Variants in UST observed in about 807,000 individuals in gnomAD.
UST encodes uronyl 2-sulfotransferase.
Under a neutral mutation model 45.6 loss-of-function variants are expected in UST, and 21 were observed. That is an observed-to-expected ratio of 0.46 (90% CI 0.33 to 0.66). UST has a LOEUF of 0.66. Ranked by LOEUF, UST falls within the 30% of genes least tolerant of loss-of-function variation. The pLI is 0.02. For missense variants in UST, 463 were observed against 512.4 expected (o/e 0.90, Z 0.93); for synonymous variants, 215 against 200.6 (o/e 1.07, Z -0.61).
At position 148,984,704 on chromosome 6, in the gene UST, C is replaced by G. The variant is rs117306730; in HGVS notation, c.681+20141C>G. Among the ~76,000 whole-genome samples the G allele has an allele frequency of 5.1e-4, 77 of 152,238 alleles. 2 individuals are homozygous for G. In the East Asian group the frequency reaches 0.011, roughly 22 times the overall value. ...TGTGCACTACCCTAGCGAATGGGGC[C>G]TTGCTGTGTTTCCCAGGCTGGTCCT... On this transcript the variant is annotated intron_variant, in intron 5 of 7. Transcript: ENST00000367463.
At chr6:148,813,019 C>A (rs1777288000) in intron 1 of UST, among the ~76,000 whole-genome samples, 1 of 152,066 alleles carries the variant, frequency 6.6e-6, no homozygotes, top group South Asian at 2.1e-4. Context: ...TTAATAGTGC[C>A]CCTTTTTCAT....
chr6:148,966,216 T>C (rs1405288254), intron 5 of UST, among the ~76,000 whole-genome samples: 1 of 147,766 alleles, frequency 6.8e-6, no homozygotes, highest in Non-Finnish European at 1.5e-5. Context: ...AGACCGAGAC[T>C]CCATCTCAAA....
At chr6:148,994,557 A>C (rs1313077606) in intron 5 of UST, among the ~76,000 whole-genome samples, 1 of 152,180 alleles carries the variant, frequency 6.6e-6, no homozygotes, top group Non-Finnish European at 1.5e-5. Context: ...TAAGGAGGTC[A>C]GTTGGTCACT....
At chr6:149,050,050 A>C (rs1430689529) in intron 7 of UST, among the ~76,000 whole-genome samples, 2 of 152,132 alleles carry the variant, frequency 1.3e-5, no homozygotes, top group Admixed American at 1.3e-4. Context: ...TTCTGTACTT[A>C]ACTCTTTAAT....
In UST at chr6:149,074,345, C is replaced by T; in HGVS notation, c.*229C>T. ...GGTCTTTCCCGGGTACACTAGATGG[C>T]TCCATCCCAAGGCATCTTGTCATAA... On this transcript the variant is annotated 3_prime_UTR_variant, in exon 8 of 8. Coordinates refer to ENST00000367463, the MANE Select transcript of UST (RefSeq NM_005715.3). 1 of 546,790 alleles carries T rather than the reference C, an allele frequency of 1.8e-6. No individual in the cohort carries two copies. Among genetic ancestry groups the T allele is most frequent in the Admixed American group, 3.2e-5 (1 of 31,312 alleles). The allele number at this position is 546,790 out of a possible 1,614,324, so 33.9% of individuals were successfully genotyped here. A position where few individuals can be genotyped will look rare whatever the true frequency, so the allele number is the denominator to read the frequency against.
In UST at chr6:148,789,842, C is replaced by A. The variant is rs536736929; in HGVS notation, c.247+42165C>A. Among the ~76,000 whole-genome samples the A allele has an allele frequency of 1.4e-3, 215 of 152,200 alleles. 2 individuals carry two copies. The highest frequency in any genetic ancestry group is 4.8e-3 in the African/African-American group (198 of 41,546). ...CGAACTCCTGACCTCAAAAGATCCACCCGTCTCAGTTTCCCAAATTGCTGG... is the reference window on the plus strand; with the variant it reads ...CGAACTCCTGACCTCAAAAGATCCAACCGTCTCAGTTTCCCAAATTGCTGG... On this transcript the variant is annotated intron_variant, in intron 1 of 7. Coordinates refer to ENST00000367463, the MANE Select transcript of UST (RefSeq NM_005715.3).
chr6:148,989,915 G>C (rs1781315374), intron 5 of UST, among the ~76,000 whole-genome samples: 2 of 152,064 alleles, frequency 1.3e-5, no homozygotes, highest in Non-Finnish European at 1.5e-5. Flanking sequence ...CTCCCCATTT[G>C]GAATTTAGAT....
intron 3 of UST, among the ~76,000 whole-genome samples, chr6:148,942,925 A>G (rs188097533): frequency 6.6e-6 from 1 of 152,334 alleles, no homozygotes; most frequent in East Asian, 1.9e-4. Flanking sequence ...AAATATTTTA[A>G]GGTTATACCT....
intron 1 of UST, among the ~76,000 whole-genome samples, chr6:148,859,171 A>C (rs1778260043): frequency 6.6e-6 from 1 of 151,956 alleles, no homozygotes. Context: ...TTGTTTCCTG[A>C]CTTTTTACCA....
At chr6:148,854,418 T>C (rs953128777) in intron 1 of UST, among the ~76,000 whole-genome samples, 2 of 152,264 alleles carry the variant, frequency 1.3e-5, no homozygotes, top group African/African-American at 4.8e-5. Flanking sequence ...TTAACTACTC[T>C]TTGTCTTCTC....
Position 148,838,913 on chromosome 6 carries a change from G to T in UST, c.248-48073G>T, listed in dbSNP as rs562596875. On this transcript the variant is annotated intron_variant, in intron 1 of 7. Coordinates refer to ENST00000367463, the MANE Select transcript of UST (RefSeq NM_005715.3). ...TCCAAAATAAAGGGGCCCCCAGCAGGTCCCCTGAATTGTTCTGAATAGGTA... is the reference window on the plus strand; with the variant it reads ...TCCAAAATAAAGGGGCCCCCAGCAGTTCCCCTGAATTGTTCTGAATAGGTA... 3.9e-5 allele frequency among the ~76,000 whole-genome samples: 6 copies of T among 152,280 alleles called. No individual in the cohort carries two copies. The South Asian group carries it at 1.2e-3, about 32-fold the overall frequency.
intron 5 of UST, among the ~76,000 whole-genome samples, chr6:148,967,361 G>C (rs1035710459): frequency 3.3e-5 from 5 of 152,032 alleles, no homozygotes; most frequent in African/African-American, 7.2e-5. Context: ...CTGGTGGTGG[G>C]GGGGAGGGGT....
intron 5 of UST, among the ~76,000 whole-genome samples, chr6:148,969,237 G>A (rs1780865573): frequency 6.6e-6 from 1 of 152,150 alleles, no homozygotes; most frequent in Non-Finnish European, 1.5e-5. Context: ...TATTTCTAAG[G>A]CATTGTTTTT....
At chr6:148,769,329 C>A (rs189024179) in intron 1 of UST, among the ~76,000 whole-genome samples, 4 of 152,384 alleles carry the variant, frequency 2.6e-5, no homozygotes, top group South Asian at 2.1e-4. Flanking sequence ...TAAAGGCCAA[C>A]AAGATGGACC....
At chr6:148,980,981 T>G (rs1781122241) in intron 5 of UST, among the ~76,000 whole-genome samples, 1 of 152,094 alleles carries the variant, frequency 6.6e-6, no homozygotes, top group African/African-American at 2.4e-5. Context: ...CACCTAGGCC[T>G]CCCAAAGTGC....
intron 1 of UST, among the ~76,000 whole-genome samples, chr6:148,812,119 G>A (rs561034077): frequency 1.3e-5 from 2 of 152,154 alleles, no homozygotes; most frequent in East Asian, 3.9e-4. Flanking sequence ...ATGATTAAGG[G>A]TAGCTATTTA....
chr6:148,897,939 T>A (rs1007350479), intron 2 of UST, among the ~76,000 whole-genome samples: 1 of 152,156 alleles, frequency 6.6e-6, no homozygotes, highest in Non-Finnish European at 1.5e-5. Flanking sequence ...CACAATCCCC[T>A]GCCATTTTGT....
intron 5 of UST, among the ~76,000 whole-genome samples, chr6:148,972,866 C>T (rs1201100198): frequency 6.7e-6 from 1 of 148,812 alleles, no homozygotes; most frequent in Non-Finnish European, 1.5e-5. Flanking sequence ...GTCTAGGGTG[C>T]AGCCTGGGCT....
intron 5 of UST, among the ~76,000 whole-genome samples, chr6:148,975,891 CAT>C (rs1456397075): frequency 6.6e-6 from 1 of 152,042 alleles, no homozygotes; most frequent in Non-Finnish European, 1.5e-5. Context: ...GATGGCAAAG[CAT>C]ATAGGCAATG....
Sources: allele counts gnomAD v4.1 joint callset (sites outside exome capture counted in the v4.1 genomes callset), GRCh38; gene constraint gnomAD v4.1.1; transcripts MANE v1.5; gene names NCBI Gene and HGNC (gene_info 2026-07-23, HGNC 2026-07-21).